The following SNRPE variants were observed in gnomAD, a reference collection of about 807,000 sequenced individuals.
SNRPE encodes the protein small nuclear ribonucleoprotein E.
For missense variants in SNRPE, 53 were observed against 111.6 expected, an observed-to-expected ratio of 0.48 and a Z score of 2.36; for synonymous variants, 35 against 36.7, an observed-to-expected ratio of 0.95 and a Z score of 0.17.
intron 4 of SNRPE, among the ~76,000 whole-genome samples, chr1:203,867,077 T>G (rs1461394134): frequency 7.1e-6 from 1 of 140,470 alleles, no homozygotes; most frequent in Non-Finnish European, 1.5e-5. Context: ...AAGACCATCC[T>G]GGCTAACATG....
At chr1:203,869,796 C>A (rs1690177037) in intron 4 of SNRPE, 81 bp from the exon 5 acceptor site, 3 of 975,620 alleles carry the variant, frequency 3.1e-6, no homozygotes, top group Admixed American at 4.9e-5. Context: ...AAATATTGTT[C>A]AAAAACTGGA....
intron 4 of SNRPE, among the ~76,000 whole-genome samples, chr1:203,867,636 C>A (rs1690120525): frequency 6.6e-6 from 1 of 152,094 alleles, no homozygotes; most frequent in Non-Finnish European, 1.5e-5. Flanking sequence ...CTATGAGAAT[C>A]TAAGGCTTCC....
chr1:203,862,065 C>G, intron 1 of SNRPE, 131 bp from the exon 2 acceptor site: 1 of 736,952 alleles, frequency 1.4e-6, no homozygotes, highest in Non-Finnish European at 2.4e-6. Flanking sequence ...CAGCTGGGCA[C>G]TTGTTGTTTG....
intron 4 of SNRPE, 128 bp downstream of exon 4, chr1:203,865,247 A>G: frequency 1.2e-6 from 1 of 830,450 alleles, no homozygotes. Flanking sequence ...GAGTAGTAGT[A>G]CACTTTTGAA....
chr1:203,862,682 A>G (rs984678821), intron 2 of SNRPE, among the ~76,000 whole-genome samples: 2 of 152,216 alleles, frequency 1.3e-5, no homozygotes, highest in African/African-American at 4.8e-5. Flanking sequence ...GGGTAGCTTC[A>G]GAGGAGTTTA....
At chr1:203,866,739 T>C (rs576243760) in intron 4 of SNRPE, among the ~76,000 whole-genome samples, 1 of 152,192 alleles carries the variant, frequency 6.6e-6, no homozygotes, top group East Asian at 1.9e-4. Flanking sequence ...AATACTGCAA[T>C]GACTTCCTGT....
chr1:203,867,645 C>T (rs1690120761), intron 4 of SNRPE, among the ~76,000 whole-genome samples: 3 of 152,066 alleles, frequency 2.0e-5, no homozygotes, highest in South Asian at 4.2e-4. Context: ...TCTAAGGCTT[C>T]CACTGATATG....
chr1:203,864,894 A>C (rs927765198), intron 3 of SNRPE, 147 bp from the exon 4 acceptor site: 10 of 398,460 alleles, frequency 2.5e-5, no homozygotes, highest in Non-Finnish European at 3.3e-5. Flanking sequence ...AAAAAAAAAA[A>C]AAAAAAACTT....
chr1:203,864,911 G>T, intron 3 of SNRPE, 130 bp from the exon 4 acceptor site: 1 of 746,538 alleles, frequency 1.3e-6, no homozygotes, highest in Non-Finnish European at 1.9e-6. Context: ...ACTTTGGGTG[G>T]AAGGTGGGGT....
intron 3 of SNRPE, among the ~76,000 whole-genome samples, chr1:203,863,978 A>G (rs943539858): frequency 3.3e-5 from 5 of 152,078 alleles, no homozygotes; most frequent in African/African-American, 9.7e-5. Context: ...TTTTTGAGAA[A>G]GGGCTTTGTT....
rs879398581 is a variant in SNRPE at position 203,861,936 on chromosome 1, A to G, written c.54+223A>G. 5.4e-5 allele frequency: 33 copies of G among 612,848 alleles called. No homozygotes were observed. In the Admixed American group the frequency reaches 9.5e-4, roughly 18 times the overall value. 38.0% of individuals were successfully genotyped at this position (612,848 alleles called of 1,614,324 possible). A position where few individuals can be genotyped will look rare whatever the true frequency, so the allele number is the denominator to read the frequency against. On this transcript the variant is annotated intron_variant, in intron 1 of 4. Transcript: ENST00000414487. ...GGAATGCAGGAATGGACGCGGCAAA[A>G]GGAGGGAAGAGAACTTCAGGTGCGG...
At chr1:203,869,540 AAT>A in intron 4 of SNRPE, among the ~76,000 whole-genome samples, 1 of 152,222 alleles carries the variant, frequency 6.6e-6, no homozygotes, top group Admixed American at 6.5e-5. Context: ...ATGGAGTTAT[AAT>A]ATGCTGTATT....
At chr1:203,868,262 C>T (rs1316132245) in intron 4 of SNRPE, among the ~76,000 whole-genome samples, 1 of 151,962 alleles carries the variant, frequency 6.6e-6, no homozygotes, top group Non-Finnish European at 1.5e-5. Context: ...CACTGTGTTG[C>T]CCAGGCTGGT....
At chr1:203,867,120 A>ACC (rs745637406) in intron 4 of SNRPE, among the ~76,000 whole-genome samples, 52 of 146,000 alleles carry the variant, frequency 3.6e-4, no homozygotes, top group Admixed American at 6.1e-4. Flanking sequence ...AAAAAAAAAA[A>ACC]AAAAAAAAAA....
Position 203,870,076 on chromosome 1 carries a change from A to T in SNRPE, c.*144A>T. ...CAATAAATACTATGGGATTGTTTGT[A>T]TTAAAAAATTTACATTGCTTCTTAC... On this transcript the variant is annotated 3_prime_UTR_variant, in exon 5 of 5. Coordinates refer to ENST00000414487, the MANE Select transcript of SNRPE (RefSeq NM_003094.4). 1.8e-6 allele frequency: 1 copy of T among 550,494 alleles called. No individual in the cohort carries two copies. 34.1% of individuals were successfully genotyped at this position (550,494 alleles called of 1,614,324 possible).
chr1:203,869,898 A>C lies in SNRPE; in HGVS notation c.245A>C (p.Asp82Ala), dbSNP rs1180918314. 6.2e-7 allele frequency: 1 copy of C among 1,606,948 alleles called. No homozygotes were observed. The highest frequency in any genetic ancestry group is 1.7e-5 in the Admixed American group (1 of 58,884). ...KQLGRIMLKG[D>A]NITLLQSVSN ...GCAGGTCGGATCATGCTAAAAGGAG[A>C]TAATATTACTCTGCTACAAAGTGTC... The change falls in exon 5 of 5, where the codon GAT becomes GCT. Residue 82 changes from aspartate to alanine, a missense_variant. By Grantham distance (126) the Asp-to-Ala change is moderately radical. Transcript: ENST00000414487.
intron 4 of SNRPE, among the ~76,000 whole-genome samples, chr1:203,869,435 T>G (rs979711695): frequency 2.6e-5 from 4 of 151,730 alleles, no homozygotes; most frequent in Non-Finnish European, 5.9e-5. Flanking sequence ...GCCTCCCAAG[T>G]AGCTGGGATT....
rs1690186220 is a variant in SNRPE at position 203,870,165 on chromosome 1, G to A, written c.*233G>A. The A allele has an allele frequency of 2.7e-6, 1 of 376,556 alleles. No homozygotes were observed. The highest frequency in any genetic ancestry group is 4.8e-6 in the Non-Finnish European group (1 of 209,634). The allele number at this position is 376,556 out of a possible 1,614,324, so 23.3% of individuals were successfully genotyped here. A position where few individuals can be genotyped will look rare whatever the true frequency, so the allele number is the denominator to read the frequency against. On this transcript the variant is annotated 3_prime_UTR_variant, in exon 5 of 5. Transcript: ENST00000414487. Reference sequence around the variant, plus strand: ...CGTTGCTGGTATTTAGTTTTCTGAAGGGTCGCAGTTGCCTTGAGCACTTGG... The same window carrying A: ...CGTTGCTGGTATTTAGTTTTCTGAAAGGTCGCAGTTGCCTTGAGCACTTGG...
intron 3 of SNRPE, 25 bp downstream of exon 3, chr1:203,863,750 C>T (rs766948836): frequency 1.4e-6 from 2 of 1,478,656 alleles, no homozygotes; most frequent in Non-Finnish European, 1.9e-6. Flanking sequence ...GATTTCATCT[C>T]ATAGCAGTTC....
Sources: allele counts gnomAD v4.1 joint callset (sites outside exome capture counted in the v4.1 genomes callset), GRCh38; gene constraint gnomAD v4.1.1; transcripts MANE v1.5; gene names NCBI Gene and HGNC (gene_info 2026-07-23, HGNC 2026-07-21).